The following FBLIM1 variants were observed in gnomAD, a reference collection of about 807,000 sequenced individuals.
The protein encoded by FBLIM1 is filamin-binding LIM protein 1.
A neutral mutation model predicts 37.4 loss-of-function variants in FBLIM1; 29 were observed. The observed-to-expected ratio is 0.77, with a 90% CI of 0.58 to 1.06. The LOEUF (loss-of-function observed/expected upper bound fraction) is 1.06. Among genes scored for constraint, FBLIM1 ranks in the 50% least tolerant of loss-of-function variants. The pLI is 0.00. For synonymous variants in FBLIM1, 193 were observed against 199.0 expected (o/e 0.97, Z 0.25); for missense variants, 449 against 505.6 (o/e 0.89, Z 1.07).
chr1:15,770,300 T>G (rs2069139397), intron 5 of FBLIM1, 109 bp from the exon 6 acceptor site: 2 of 1,174,044 alleles, frequency 1.7e-6, no homozygotes, highest in Non-Finnish European at 2.4e-6. Flanking sequence ...TTTGAGGAAT[T>G]TGCAGGGTTT....
intron 8 of FBLIM1, among the ~76,000 whole-genome samples, chr1:15,781,382 C>T (rs1002055842): frequency 3.3e-5 from 5 of 151,514 alleles, no homozygotes; most frequent in South Asian, 4.2e-4. Flanking sequence ...GGTATGGTGG[C>T]GCACACCTGT....
At chr1:15,781,788 G>A (rs551746096) in intron 8 of FBLIM1, among the ~76,000 whole-genome samples, 3 of 138,972 alleles carry the variant, frequency 2.2e-5, no homozygotes, top group Admixed American at 1.6e-4. Context: ...GTGCAATCTC[G>A]GCTCACTGCA....
chr1:15,775,011 G>A (rs896588107), intron 7 of FBLIM1: 19 of 926,044 alleles, frequency 2.1e-5, no homozygotes, highest in Non-Finnish European at 2.7e-5. Flanking sequence ...GAGGTCAGGA[G>A]ATCGAGATCA....
chr1:15,766,773 C>T (rs1008216766), intron 3 of FBLIM1, among the ~76,000 whole-genome samples: 7 of 150,328 alleles, frequency 4.7e-5, no homozygotes, highest in African/African-American at 9.8e-5. Flanking sequence ...TTGTGTTTTT[C>T]GTAGAGATGG....
At chr1:15,783,487 C>T (rs1481706188) in intron 8 of FBLIM1, among the ~76,000 whole-genome samples, 3 of 151,574 alleles carry the variant, frequency 2.0e-5, no homozygotes, top group Non-Finnish European at 4.4e-5. Context: ...TAGATTCAGG[C>T]ACTCATCAGC....
At chr1:15,781,718 GTT>G (rs71002929) in intron 8 of FBLIM1, among the ~76,000 whole-genome samples, 6 of 111,404 alleles carry the variant, frequency 5.4e-5, no homozygotes, top group Admixed American at 1.0e-4. Flanking sequence ...AGGTAGTATT[GTT>G]TTTTTTTTTT....
chr1:15,760,615 G>A (rs2068628747), intron 1 of FBLIM1, among the ~76,000 whole-genome samples: 1 of 150,776 alleles, frequency 6.6e-6, no homozygotes, highest in Non-Finnish European at 1.5e-5. Context: ...TAGGGAACAA[G>A]GAGTAGGAAG....
At chr1:15,777,800 T>C (rs2069537817) in intron 8 of FBLIM1, among the ~76,000 whole-genome samples, 1 of 152,150 alleles carries the variant, frequency 6.6e-6, no homozygotes, top group Non-Finnish European at 1.5e-5. Context: ...CTGGAACTCC[T>C]GACCTCAGGT....
chr1:15,765,333 A>G lies in FBLIM1; in HGVS notation c.250+100A>G. ...ATTCATTCATTCATTATTCATCCTG[A>G]CAAAATTCACACATCAACGGGAAAC... On this transcript the variant is annotated intron_variant, in intron 3 of 8. Transcript: ENST00000375766. This position sits in a 1 kb window ranked among gnomAD's most constrained non-coding sequence, Gnocchi z 5.9. 6.9e-7 allele frequency: 1 copy of G among 1,453,416 alleles called. No homozygotes were observed. The highest frequency in any genetic ancestry group is 9.2e-7 in the Non-Finnish European group (1 of 1,087,958). The allele number at this position is 1,453,416 out of a possible 1,614,324, so 90.0% of individuals were successfully genotyped here. A position where few individuals can be genotyped will look rare whatever the true frequency, so the allele number is the denominator to read the frequency against.
At chr1:15,762,092 C>CTT (rs748578114) in intron 1 of FBLIM1, among the ~76,000 whole-genome samples, 2 of 142,422 alleles carry the variant, frequency 1.4e-5, no homozygotes, top group African/African-American at 5.1e-5. Context: ...TTATGCTTTT[C>CTT]TTTTTTTTTT....
chr1:15,775,587 G>A (rs916496595), intron 7 of FBLIM1, among the ~76,000 whole-genome samples: 2 of 151,502 alleles, frequency 1.3e-5, no homozygotes, highest in African/African-American at 2.4e-5. Context: ...GACACGTGAA[G>A]AGATGCCTAG....
rs2069393167 is a variant in FBLIM1 at position 15,774,522 on chromosome 1, T to C, written c.712-96T>C. On this transcript the variant is annotated intron_variant, in intron 6 of 8. Transcript: ENST00000375766. ...GCAGGCCTCTCCTGTACTTCCCAGTTCCTGGGCCCCTGAGGGCAGCCTCTC... is the reference window on the plus strand; with the variant it reads ...GCAGGCCTCTCCTGTACTTCCCAGTCCCTGGGCCCCTGAGGGCAGCCTCTC... 6.0e-6 allele frequency: 9 copies of C among 1,495,046 alleles called. 1 individual carries two copies. In the South Asian group the frequency reaches 1.2e-4, roughly 20 times the overall value. The allele number at this position is 1,495,046 out of a possible 1,614,324, so 92.6% of individuals were successfully genotyped here.
Position 15,785,442 on chromosome 1 carries a change from CT to C in FBLIM1, c.*782del, listed in dbSNP as rs1485483587. On this transcript the variant is annotated 3_prime_UTR_variant, in exon 9 of 9. Coordinates refer to ENST00000375766, the MANE Select transcript of FBLIM1 (RefSeq NM_017556.4). Reference sequence around the variant, plus strand: ...TTGAGGTCAGGAGTTTGAGACCAGCCTGGCCAACACGGCAAAACCCCGTTTC... The same window carrying C: ...TTGAGGTCAGGAGTTTGAGACCAGCCGGCCAACACGGCAAAACCCCGTTTC... The C allele has an allele frequency of 6.6e-6, 1 of 152,260 alleles. No individual in the cohort carries two copies. The highest frequency in any genetic ancestry group is 2.4e-5 in the African/African-American group (1 of 41,448). The allele number at this position is 152,260 out of a possible 1,614,324, so 9.4% of individuals were successfully genotyped here.
In FBLIM1 at chr1:15,784,675, G is replaced by A; in HGVS notation, c.*14G>A. On this transcript the variant is annotated 3_prime_UTR_variant, in exon 9 of 9. Coordinates refer to ENST00000375766, the MANE Select transcript of FBLIM1 (RefSeq NM_017556.4). ...GGGTGCTGCTGAGAGTGCCCGCTGGGCAGTGAACAGACCACTAGCCCCGGC... is the reference window on the plus strand; with the variant it reads ...GGGTGCTGCTGAGAGTGCCCGCTGGACAGTGAACAGACCACTAGCCCCGGC... 9.9e-6 allele frequency: 16 copies of A among 1,611,070 alleles called. No homozygotes were observed. Among genetic ancestry groups the A allele is most frequent in the Non-Finnish European group, 1.4e-5 (16 of 1,177,610 alleles).
intron 3 of FBLIM1, 152 bp from the exon 4 acceptor site, chr1:15,767,224 G>A: frequency 1.6e-6 from 1 of 611,690 alleles, no homozygotes; most frequent in East Asian, 3.3e-5. Flanking sequence ...AGGACACACA[G>A]CAAATCAGTG....
rs138682032 is a variant in FBLIM1 at position 15,767,452 on chromosome 1, G to T, written c.327G>T (p.Pro109=). 6.3e-5 allele frequency: 28 copies of T among 445,300 alleles called. No individual in the cohort carries two copies. The highest frequency in any genetic ancestry group is 8.9e-5 in the Non-Finnish European group (28 of 312,886). 27.6% of individuals were successfully genotyped at this position (445,300 alleles called of 1,614,324 possible). The part of the protein sequence containing the change: ...PDLDLLPPPP[P]PPPVLLPSEE... The stretch of plus-strand genomic sequence containing the variant: ...TGGACCTCCTCCCACCCCCTCCACC[G>T]CCCCCTCCAGTGCTTCTGCCTTCTG... Residue 109 remains proline (P), a synonymous_variant, in exon 4 of 9, where the codon CCG becomes CCT. Coordinates refer to ENST00000375766, the MANE Select transcript of FBLIM1 (RefSeq NM_017556.4).
In FBLIM1 at chr1:15,779,339, C is replaced by T. The variant is rs555487550; in HGVS notation, c.1008+2052C>T. ...TTATTTTTTGAGATGGCGTCTCACT[C>T]TGTCACCCAGGCTGGAGTGCACCAG... On this transcript the variant is annotated intron_variant, in intron 8 of 8. Transcript: ENST00000375766. Among the ~76,000 whole-genome samples, 8 of 152,144 alleles carry T rather than the reference C, an allele frequency of 5.3e-5. 1 individual carries two copies. The South Asian group carries it at 1.5e-3, about 28-fold the overall frequency.
chr1:15,758,532 C>A (rs1255363697), upstream of FBLIM1: 2 of 149,360 alleles, frequency 1.3e-5, no homozygotes, highest in African/African-American at 4.9e-5. This position sits in a 1 kb window ranked among gnomAD's most constrained non-coding sequence, Gnocchi z 6.2. Context: ...CATCCCCATT[C>A]CCCCCCATTC....
rs1441466997 is a variant in FBLIM1, at chr1:15,774,499, A to C, written c.712-119A>C. 3.5e-5 allele frequency: 46 copies of C among 1,300,742 alleles called. No homozygotes were observed. The Admixed American group carries it at 4.5e-4, about 13-fold the overall frequency. 80.6% of individuals were successfully genotyped at this position (1,300,742 alleles called of 1,614,324 possible). A position where few individuals can be genotyped will look rare whatever the true frequency, so the allele number is the denominator to read the frequency against. ...TGGGCGATAGTTACAGGTTGTCTGC[A>C]GGCCTCTCCTGTACTTCCCAGTTCC... On this transcript the variant is annotated intron_variant, in intron 6 of 8. Coordinates refer to ENST00000375766, the MANE Select transcript of FBLIM1 (RefSeq NM_017556.4).
Sources: allele counts gnomAD v4.1 joint callset (sites outside exome capture counted in the v4.1 genomes callset), GRCh38; gene constraint gnomAD v4.1.1; non-coding constraint Gnocchi (gnomAD v3.1); transcripts MANE v1.5; gene names NCBI Gene and HGNC (gene_info 2026-07-23, HGNC 2026-07-21).